The following NFU1 variants were observed in gnomAD, a reference collection of about 807,000 sequenced individuals.
The protein encoded by NFU1 is NFU1 iron-sulfur cluster scaffold, also known as NFU1 iron-sulfur cluster scaffold homolog, mitochondrial.
Under a neutral mutation model 32.2 loss-of-function variants are expected in NFU1, and 30 were observed. The observed-to-expected ratio is 0.93, with a 90% confidence interval of 0.70 to 1.26. The LOEUF (loss-of-function observed/expected upper bound fraction) is 1.26. NFU1 is among the 50% of genes most tolerant of loss of function. The pLI is 0.00. For synonymous variants in NFU1, 112 were observed against 104.6 expected, an observed-to-expected ratio of 1.07 and a Z score of -0.43; for missense variants, 306 against 306.6, an observed-to-expected ratio of 1.00 and a Z score of 0.02.
chr2:69,436,172 G>C (rs1440212864), intron 1 of NFU1, among the ~76,000 whole-genome samples: 1 of 152,090 alleles, frequency 6.6e-6, no homozygotes, highest in African/African-American at 2.4e-5. Context: ...CTAGCACAAT[G>C]GCCTCAGTTC....
intron 2 of NFU1, among the ~76,000 whole-genome samples, chr2:69,426,993 C>A (rs936972371): frequency 1.4e-5 from 2 of 144,822 alleles, no homozygotes; most frequent in African/African-American, 5.1e-5. Context: ...CGATTGAACC[C>A]GGGTTGCAGT....
At chr2:69,439,412 C>T (rs112509116), upstream of NFU1, among the ~76,000 whole-genome samples, 415 of 152,274 alleles carry the variant, frequency 2.7e-3, 3 homozygotes, top group African/African-American at 9.4e-3. Context: ...GGTTCGTGGT[C>T]TCACTGACTT....
intron 5 of NFU1, among the ~76,000 whole-genome samples, chr2:69,408,793 T>C (rs1056084632): frequency 6.8e-6 from 1 of 146,942 alleles, no homozygotes; most frequent in Non-Finnish European, 1.5e-5. Context: ...CATACATCAA[T>C]GTACTATTGC....
At chr2:69,400,670 A>G (rs1672493918) in intron 6 of NFU1, 132 bp from the exon 7 acceptor site, 2 of 735,032 alleles carry the variant, frequency 2.7e-6, no homozygotes, top group Non-Finnish European at 4.4e-6. Context: ...TATAATACAG[A>G]ATAATAACTG....
chr2:69,419,336 G>GA (rs908393016), intron 4 of NFU1, among the ~76,000 whole-genome samples: 1 of 151,744 alleles, frequency 6.6e-6, no homozygotes, highest in Non-Finnish European at 1.5e-5. Flanking sequence ...TCAAAAAAAA[G>GA]AAAAAGAAAA....
chr2:69,432,081 T>C, intron 1 of NFU1, 76 bp from the exon 2 acceptor site: 1 of 917,050 alleles, frequency 1.1e-6, no homozygotes, highest in East Asian at 2.5e-5. Context: ...TTCTCATGTA[T>C]AAAAAAGACC....
At chr2:69,435,204 C>G (rs1673789598) in intron 1 of NFU1, among the ~76,000 whole-genome samples, 1 of 152,172 alleles carries the variant, frequency 6.6e-6, no homozygotes, top group African/African-American at 2.4e-5. Context: ...ATCATTTAAA[C>G]TATAAACTAA....
At chr2:69,420,850 A>C (rs1297688376) in intron 3 of NFU1, among the ~76,000 whole-genome samples, 1 of 152,176 alleles carries the variant, frequency 6.6e-6, no homozygotes, top group Non-Finnish European at 1.5e-5. Context: ...AAATAGTGAA[A>C]ACTATCCCAT....
At chr2:69,397,193 G>T (rs1251427381) in intron 7 of NFU1, among the ~76,000 whole-genome samples, 1 of 151,234 alleles carries the variant, frequency 6.6e-6, no homozygotes, top group African/African-American at 2.4e-5. Flanking sequence ...ATACCAAATT[G>T]TTATTTTAAA....
intron 2 of NFU1, among the ~76,000 whole-genome samples, chr2:69,426,840 G>A (rs781635179): frequency 1.8e-4 from 27 of 150,966 alleles, no homozygotes; most frequent in African/African-American, 3.6e-4. Flanking sequence ...AGGCCGAGGC[G>A]GGCGGATCAC....
chr2:69,404,154 T>C (rs1236724927), intron 6 of NFU1, among the ~76,000 whole-genome samples: 1 of 151,004 alleles, frequency 6.6e-6, no homozygotes, highest in Non-Finnish European at 1.5e-5. Context: ...TAATTATTCT[T>C]AATTCACAAA....
At chr2:69,396,844 A>G (rs6757878) in intron 7 of NFU1, among the ~76,000 whole-genome samples, 100,272 of 151,824 alleles carry the variant, frequency 0.66, 34,539 homozygotes, top group African/African-American at 0.87. Flanking sequence ...AGGCTGAGGC[A>G]GGCAGATCAT....
chr2:69,425,692 G>A (rs558335074), intron 2 of NFU1, among the ~76,000 whole-genome samples: 1 of 151,644 alleles, frequency 6.6e-6, no homozygotes, highest in South Asian at 2.1e-4. Context: ...CACCATGTTG[G>A]CCAGGCTGAT....
intron 3 of NFU1, among the ~76,000 whole-genome samples, chr2:69,421,787 G>A (rs184582500): frequency 1.3e-4 from 19 of 151,562 alleles, no homozygotes; most frequent in East Asian, 1.9e-4. Context: ...GGATGCTCTC[G>A]ATCTCCTGAC....
intron 5 of NFU1, among the ~76,000 whole-genome samples, chr2:69,414,844 A>G (rs1673001165): frequency 6.6e-6 from 1 of 152,066 alleles, no homozygotes; most frequent in Admixed American, 6.6e-5. Context: ...TTTTATTTAA[A>G]ATGAGTCTAA....
At chr2:69,419,988 A>G (rs1165301928) in intron 3 of NFU1, among the ~76,000 whole-genome samples, 1 of 149,088 alleles carries the variant, frequency 6.7e-6, no homozygotes, top group Non-Finnish European at 1.5e-5. Context: ...CACTGTACTG[A>G]GCACTAAACA....
At chr2:69,407,961 C>T (rs1180557006) in intron 5 of NFU1, among the ~76,000 whole-genome samples, 2 of 149,476 alleles carry the variant, frequency 1.3e-5, no homozygotes, top group East Asian at 2.0e-4. Flanking sequence ...GGCAGTGAGC[C>T]GAGATCGCAC....
At chr2:69,411,110 T>A (rs1283034911) in intron 5 of NFU1, 1 of 151,976 alleles carries the variant, frequency 6.6e-6, no homozygotes, top group Non-Finnish European at 1.5e-5. Flanking sequence ...ATATTATAAA[T>A]TCATGAGGAA....
chr2:69,419,712 C>A (rs1673178797), intron 3 of NFU1, 108 bp from the exon 4 acceptor site: 1 of 712,006 alleles, frequency 1.4e-6, no homozygotes, highest in Non-Finnish European at 2.5e-6. Flanking sequence ...TCCTTTGCAG[C>A]TTTAACAATG....
Sources: allele counts gnomAD v4.1 joint callset (sites outside exome capture counted in the v4.1 genomes callset), GRCh38; gene constraint gnomAD v4.1.1; transcripts MANE v1.5; gene names NCBI Gene and HGNC (gene_info 2026-07-23, HGNC 2026-07-21).